The following NEO1 variants were observed in gnomAD, a reference collection of about 807,000 sequenced individuals.
The protein encoded by NEO1 is neogenin 1, also known as neogenin.
NEO1 carries 63 observed loss-of-function variants against 159.7 expected under a neutral mutation model. The observed-to-expected ratio is 0.39, with a 90% CI of 0.32 to 0.49. The LOEUF (loss-of-function observed/expected upper bound fraction) is 0.49, where lower values mean the gene tolerates loss of function less well. NEO1 is among the 20% of genes least tolerant of loss of function. The pLI is 0.85. For missense variants in NEO1, 1,615 were observed against 1,831.0 expected (o/e 0.88, Z 2.15); for synonymous variants, 633 against 662.0 (o/e 0.96, Z 0.67).
intron 26 of NEO1, among the ~76,000 whole-genome samples, chr15:73,293,962 T>G (rs1353242119): frequency 1.3e-5 from 2 of 152,206 alleles, no homozygotes; most frequent in Non-Finnish European, 2.9e-5. Context: ...AACTGTTACA[T>G]ACAGGTTACT....
intron 5 of NEO1, among the ~76,000 whole-genome samples, chr15:73,137,669 G>A (rs1485747658): frequency 3.3e-5 from 5 of 152,168 alleles, no homozygotes; most frequent in Non-Finnish European, 7.3e-5. Flanking sequence ...GTTAATTTTT[G>A]TATTTTTGGT....
Position 73,126,552 on chromosome 15 carries a change from A to G in NEO1, c.860A>G (p.Glu287Gly), listed in dbSNP as rs780640636. The G allele has an allele frequency of 6.2e-7, 1 of 1,613,370 alleles. No individual in the cohort carries two copies. Among genetic ancestry groups the G allele is most frequent in the Non-Finnish European group, 8.5e-7 (1 of 1,179,748 alleles). The change falls in exon 4 of 29, where the codon GAG (glutamate) becomes GGG (glycine). Residue 287 changes from glutamate (E) to glycine (G), a missense_variant. Physicochemically the swap from Glu to Gly is moderately conservative, Grantham distance 98. Around this residue, in one of 3 missense-constraint regions of NEO1, gnomAD observed 1,018 missense variants for 1,115.4 expected, o/e 0.91. Transcript: ENST00000261908. ...TPTIKWMKNEEALDTESSERL... is the reference protein window; with the variant it reads ...TPTIKWMKNEGALDTESSERL... ...ACCATTAAATGGATGAAAAATGAGG[A>G]GGCACTTGACACAGAAAGGTAAGTG...
chr15:73,160,635 C>G (rs895528821), intron 5 of NEO1, among the ~76,000 whole-genome samples: 2 of 151,994 alleles, frequency 1.3e-5, no homozygotes, highest in Non-Finnish European at 2.9e-5. Flanking sequence ...TCACAGGGCT[C>G]AGGGAAATGC....
chr15:73,187,243 G>A (rs550821846), intron 7 of NEO1, among the ~76,000 whole-genome samples: 63 of 152,226 alleles, frequency 4.1e-4, no homozygotes, highest in Non-Finnish European at 7.8e-4. Flanking sequence ...ACAGAGATAT[G>A]TTAGTAAACT....
intron 1 of NEO1, among the ~76,000 whole-genome samples, chr15:73,089,917 T>C (rs2069586104): frequency 6.6e-6 from 1 of 152,108 alleles, no homozygotes. Flanking sequence ...GGTATAGCCC[T>C]CCTACATAGG....
At chr15:73,256,864 G>A (rs547659342) in intron 13 of NEO1, among the ~76,000 whole-genome samples, 27 of 152,002 alleles carry the variant, frequency 1.8e-4, no homozygotes, top group Non-Finnish European at 2.5e-4. Flanking sequence ...TGAGACAGGC[G>A]GATTCCTTGA....
At chr15:73,268,733 G>A (rs1453713242) in intron 16 of NEO1, among the ~76,000 whole-genome samples, 5 of 152,178 alleles carry the variant, frequency 3.3e-5, no homozygotes, top group Non-Finnish European at 7.3e-5. Flanking sequence ...AGCATGAATT[G>A]GGAAAGCCCG....
At chr15:73,246,306 G>C (rs1468311974) in intron 9 of NEO1, among the ~76,000 whole-genome samples, 1 of 152,176 alleles carries the variant, frequency 6.6e-6, no homozygotes, top group Non-Finnish European at 1.5e-5. Flanking sequence ...TCAAACCCAG[G>C]CAAGAACAAG....
At chr15:73,060,801 CA>C (rs2067938901) in intron 1 of NEO1, among the ~76,000 whole-genome samples, 2 of 151,456 alleles carry the variant, frequency 1.3e-5, no homozygotes, top group South Asian at 4.2e-4. Flanking sequence ...CATGCCTCAC[CA>C]TGCCCAGCTA....
chr15:73,192,762 A>G (rs1297517458), intron 7 of NEO1, among the ~76,000 whole-genome samples: 2 of 151,998 alleles, frequency 1.3e-5, no homozygotes, highest in Admixed American at 6.6e-5. Flanking sequence ...AGAGAAGGAA[A>G]GATATAAATG....
chr15:73,129,910 A>G lies in NEO1; in HGVS notation c.878+3340A>G, dbSNP rs535744935. The stretch of plus-strand genomic sequence containing the variant: ...CCTGGATGTTACATGTGAAACAAAC[A>G]TAAGAAGACTCTGAAAGGTAGAGAG... On this transcript the variant is annotated intron_variant, in intron 4 of 28. Transcript: ENST00000261908. 3.9e-5 allele frequency among the ~76,000 whole-genome samples: 6 copies of G among 152,366 alleles called. No homozygotes were observed. The East Asian group carries it at 1.2e-3, about 29-fold the overall frequency.
At chr15:73,274,808 T>TTTTTC in intron 21 of NEO1, 84 bp downstream of exon 21, 2 of 1,375,922 alleles carry the variant, frequency 1.5e-6, no homozygotes, top group Non-Finnish European at 2.0e-6. Context: ...TTTTTTTTTT[T>TTTTTC]TTTTCCTGAA....
At position 73,249,735 on chromosome 15, in the gene NEO1, C is replaced by T. The variant is rs756249922; in HGVS notation, c.1894+14C>T. The T allele has an allele frequency of 1.9e-6, 3 of 1,603,654 alleles. No individual in the cohort carries two copies. Among genetic ancestry groups the T allele is most frequent in the Non-Finnish European group, 2.6e-6 (3 of 1,176,380 alleles). On this transcript the variant is annotated intron_variant, in intron 11 of 28. Coordinates refer to ENST00000261908, the MANE Select transcript of NEO1 (RefSeq NM_002499.4). Reference sequence around the variant, plus strand: ...CATTGTCAGATGGTGAGTCTTTCTTCCTCTGGAACGATATACCACACTTGG... The same window carrying T: ...CATTGTCAGATGGTGAGTCTTTCTTTCTCTGGAACGATATACCACACTTGG...
chr15:73,184,249 G>A (rs1229755193), intron 7 of NEO1, among the ~76,000 whole-genome samples: 2 of 152,036 alleles, frequency 1.3e-5, no homozygotes, highest in Non-Finnish European at 2.9e-5. Flanking sequence ...TCCGCCTCCC[G>A]GGTTCAAGCA....
At chr15:73,258,716 G>A in intron 13 of NEO1, 50 bp from the exon 14 acceptor site, 1 of 1,481,350 alleles carries the variant, frequency 6.8e-7, no homozygotes. Context: ...TTAATCTTTT[G>A]TTTTTCCAAA....
chr15:73,298,172 T>A, intron 26 of NEO1, 176 bp from the exon 27 acceptor site: 1 of 716,262 alleles, frequency 1.4e-6, no homozygotes, highest in South Asian at 2.0e-5. Context: ...AGTACAAAAT[T>A]GTTCGAGACT....
At chr15:73,231,744 T>C (rs781766114) in intron 7 of NEO1, among the ~76,000 whole-genome samples, 6 of 152,090 alleles carry the variant, frequency 3.9e-5, no homozygotes, top group Admixed American at 6.5e-5. Flanking sequence ...TCCTGGCCCC[T>C]CCGTATTGCC....
At chr15:73,281,477 G>T (rs1446742492) in intron 22 of NEO1, among the ~76,000 whole-genome samples, 3 of 151,964 alleles carry the variant, frequency 2.0e-5, no homozygotes, top group African/African-American at 7.2e-5. Flanking sequence ...GGATGGTCTC[G>T]ATCTCCTGAC....
chr15:73,124,569 G>A (rs2029907262), intron 3 of NEO1, among the ~76,000 whole-genome samples: 1 of 152,024 alleles, frequency 6.6e-6, no homozygotes, highest in Non-Finnish European at 1.5e-5. Context: ...ATCCAGATAT[G>A]CTCTTGGCCA....
Sources: gnomAD v4.1 joint callset for allele counts (sites outside exome capture counted in the v4.1 genomes callset) on GRCh38, gnomAD v4.1.1 for gene constraint, gnomAD v4.1.1 regional missense constraint, MANE v1.5 for transcripts, NCBI Gene and HGNC (gene_info 2026-07-23, HGNC 2026-07-21) for gene names.